The following ITGAL variants were observed in gnomAD, a reference collection of about 807,000 sequenced individuals.
ITGAL encodes the protein integrin alpha-L.
Under a neutral mutation model 138.4 loss-of-function variants are expected in ITGAL, and 68 were observed. The observed-to-expected ratio is 0.49, with a 90% CI of 0.40 to 0.60. ITGAL has a LOEUF of 0.60. ITGAL is among the 20% of genes least tolerant of loss of function. The pLI, the probability that ITGAL is intolerant of heterozygous loss-of-function variation, is 0.00. For missense variants in ITGAL, 1,256 were observed against 1,478.6 expected (o/e 0.85, Z 2.47); for synonymous variants, 561 against 584.3 (o/e 0.96, Z 0.57).
intron 29 of ITGAL, among the ~76,000 whole-genome samples, chr16:30,519,183 A>G (rs1370092316): frequency 2.0e-5 from 3 of 152,102 alleles, no homozygotes; most frequent in Non-Finnish European, 4.4e-5. Context: ...AGATCCCACC[A>G]TTGCACTCCA....
intron 25 of ITGAL, among the ~76,000 whole-genome samples, chr16:30,516,206 C>T (rs2051163599): frequency 6.6e-6 from 1 of 151,428 alleles, no homozygotes; most frequent in East Asian, 1.9e-4. Context: ...ACAGGTAGTT[C>T]TTTTTTTAAT....
At position 30,521,524 on chromosome 16, in the gene ITGAL, G is replaced by A; in HGVS notation, c.3372G>A (p.Lys1124=). 6.2e-7 allele frequency: 1 copy of A among 1,614,228 alleles called. No individual in the cohort carries two copies. The highest frequency in any genetic ancestry group is 8.5e-7 in the Non-Finnish European group (1 of 1,180,038). The change falls in exon 31 of 31, where the codon AAG becomes AAA. Residue 1124 remains lysine (K), a synonymous_variant. Coordinates refer to ENST00000356798, the MANE Select transcript of ITGAL (RefSeq NM_002209.3). The part of the protein sequence containing the change: ...VGFFKRNLKE[K]MEAGRGVPNG... ...TCTTCAAACGGAACCTGAAGGAGAA[G>A]ATGGAGGCTGGCAGAGGTGTCCCGA...
At chr16:30,512,119 C>A (rs1432790530) in intron 24 of ITGAL, among the ~76,000 whole-genome samples, 1 of 152,084 alleles carries the variant, frequency 6.6e-6, no homozygotes, top group East Asian at 1.9e-4. Flanking sequence ...CCTTTAATGC[C>A]AGACTTAGTT....
At chr16:30,509,841 G>A (rs887990834) in intron 21 of ITGAL, among the ~76,000 whole-genome samples, 15 of 151,850 alleles carry the variant, frequency 9.9e-5, no homozygotes, top group Non-Finnish European at 1.9e-4. Context: ...GAGTTCAAGA[G>A]CAGCCTGAGT....
chr16:30,494,782 C>T lies in ITGAL; in HGVS notation c.1435C>T (p.Leu479=), dbSNP rs771904683. 5 of 1,613,356 alleles carry T rather than the reference C, an allele frequency of 3.1e-6. No homozygotes were observed. In the South Asian group the frequency reaches 4.4e-5, roughly 14 times the overall value. ...CCAAGATGGGGAGACAGAGCTGCTGCTGATTGGTGCCCCACTGTTCTATGG... is the reference window on the plus strand; with the variant it reads ...CCAAGATGGGGAGACAGAGCTGCTGTTGATTGGTGCCCCACTGTTCTATGG... ...VDQDGETELL[L]IGAPLFYGEQ... The change falls in exon 13 of 31, where the codon CTG becomes TTG. Residue 479 remains leucine (L), a synonymous_variant. Transcript: ENST00000356798. This position sits in a 1 kb window ranked among gnomAD's most constrained non-coding sequence, Gnocchi z 4.2.
chr16:30,514,906 C>A (rs1033325130), intron 25 of ITGAL, among the ~76,000 whole-genome samples: 1 of 151,132 alleles, frequency 6.6e-6, no homozygotes, highest in African/African-American at 2.4e-5. Flanking sequence ...CTCACTGCAA[C>A]CTCCGCCTCC....
chr16:30,506,809 C>T lies in ITGAL; in HGVS notation c.2461C>T (p.Leu821=). 1 of 1,614,012 alleles carries T rather than the reference C, an allele frequency of 6.2e-7. No individual in the cohort carries two copies. The highest frequency in any genetic ancestry group is 8.5e-7 in the Non-Finnish European group (1 of 1,179,958). The change falls in exon 21 of 31, where the codon CTG becomes TTG. Residue 821 remains leucine, a synonymous_variant. Coordinates refer to ENST00000356798, the MANE Select transcript of ITGAL (RefSeq NM_002209.3). ...AGATGCTTACTGGGTCCAGCTGGAC[C>T]TGCACTTCCCCCCGGGACTCTCCTT... ...EEDAYWVQLD[L]HFPPGLSFRK...
chr16:30,477,737 A>G (rs75521095), intron 4 of ITGAL, among the ~76,000 whole-genome samples: 1 of 151,134 alleles, frequency 6.6e-6, no homozygotes, highest in Non-Finnish European at 1.5e-5. Context: ...AAAAAAAAAA[A>G]TAGCCAGGCA....
In ITGAL at chr16:30,521,487, T is replaced by G. The variant is rs1417721098; in HGVS notation, c.3340-5T>G. 1 of 1,613,482 alleles carries G rather than the reference T, an allele frequency of 6.2e-7. No homozygotes were observed. Among genetic ancestry groups the G allele is most frequent in the East Asian group, 2.2e-5 (1 of 44,874 alleles). On this transcript the variant is annotated splice_region_variant and splice_polypyrimidine_tract_variant and intron_variant, in intron 30 of 30. Transcript: ENST00000356798. ...TTTGCTCGTTCAAATTTTGTCTTTGTACAGGTTGGTTTCTTCAAACGGAAC... is the reference window on the plus strand; with the variant it reads ...TTTGCTCGTTCAAATTTTGTCTTTGGACAGGTTGGTTTCTTCAAACGGAAC...
At chr16:30,513,687 C>T (rs997796322) in intron 24 of ITGAL, 84 bp from the exon 25 acceptor site, 2 of 972,312 alleles carry the variant, frequency 2.1e-6, no homozygotes, top group Non-Finnish European at 1.7e-6. Context: ...CCGTTCCTAG[C>T]ACAGTGGCTG....
intron 11 of ITGAL, among the ~76,000 whole-genome samples, chr16:30,492,925 C>G (rs964814082): frequency 2.0e-5 from 3 of 152,000 alleles, no homozygotes; most frequent in African/African-American, 7.3e-5. Context: ...ACTCTGTCAC[C>G]CAGGCTAGAG....
intron 25 of ITGAL, among the ~76,000 whole-genome samples, chr16:30,515,308 T>C (rs1178287021): frequency 6.6e-6 from 1 of 152,240 alleles, no homozygotes; most frequent in Non-Finnish European, 1.5e-5. Context: ...TGTGTCCTTT[T>C]TCTGCTACCG....
At chr16:30,483,310 A>T (rs1665886152) in intron 7 of ITGAL, 1 of 152,802 alleles carries the variant, frequency 6.5e-6, no homozygotes, top group African/African-American at 2.4e-5. Context: ...TAGGGGGAAA[A>T]TTGACAGAGA....
intron 15 of ITGAL, 124 bp downstream of exon 15, chr16:30,496,690 G>A (rs1350092428): frequency 2.4e-6 from 2 of 847,750 alleles, no homozygotes. Context: ...TGCTCAGGCT[G>A]GAGTGCAGTG....
chr16:30,509,947 G>A (rs565166112), intron 21 of ITGAL, among the ~76,000 whole-genome samples: 1 of 152,024 alleles, frequency 6.6e-6, no homozygotes, highest in Non-Finnish European at 1.5e-5. Flanking sequence ...GCTGAGGCAG[G>A]AGGATCGCTT....
chr16:30,496,605 C>A, intron 15 of ITGAL, 39 bp downstream of exon 15: 1 of 1,534,614 alleles, frequency 6.5e-7, no homozygotes, highest in South Asian at 1.3e-5. Context: ...ATGACCCCAG[C>A]TCTTATCCTG....
chr16:30,520,251 T>A (rs565174212), intron 30 of ITGAL, among the ~76,000 whole-genome samples: 1 of 152,018 alleles, frequency 6.6e-6, no homozygotes, highest in Non-Finnish European at 1.5e-5. Context: ...CTGGGCAACA[T>A]GGAAAGCATC....
rs765373900 is a variant in ITGAL, at chr16:30,472,812, C to T, written c.-26C>T. 6 of 1,607,812 alleles carry T rather than the reference C, an allele frequency of 3.7e-6. No individual in the cohort carries two copies. The highest frequency in any genetic ancestry group is 5.1e-6 in the Non-Finnish European group (6 of 1,177,468). ...GGGCCTCCTGACGCTGCCCCTGGGGCCACAGGTCCCTCGAGTGCTGGAAGG... is the reference window on the plus strand; with the variant it reads ...GGGCCTCCTGACGCTGCCCCTGGGGTCACAGGTCCCTCGAGTGCTGGAAGG... On this transcript the variant is annotated 5_prime_UTR_variant, in exon 1 of 31. Transcript: ENST00000356798.
chr16:30,475,271 G>A (rs1179568140), intron 2 of ITGAL, 35 bp from the exon 3 acceptor site: 2 of 1,497,926 alleles, frequency 1.3e-6, no homozygotes, highest in Admixed American at 3.4e-5. Flanking sequence ...TACAGATCTG[G>A]GCCACTCCCT....
Sources: gnomAD v4.1 joint callset for allele counts (sites outside exome capture counted in the v4.1 genomes callset) on GRCh38, gnomAD v4.1.1 for gene constraint, Gnocchi (gnomAD v3.1) non-coding constraint, MANE v1.5 for transcripts, NCBI Gene and HGNC (gene_info 2026-07-23, HGNC 2026-07-21) for gene names.